Variants in FHIP1A observed in about 807,000 individuals in gnomAD.
FHIP1A encodes the protein FHF complex subunit HOOK interacting protein 1A, also known as FHF complex subunit HOOK-interacting protein 1A.
A neutral mutation model predicts 88.6 loss-of-function variants in FHIP1A; 61 were observed. That is an observed-to-expected ratio of 0.69 (90% CI 0.56 to 0.85). FHIP1A has a LOEUF of 0.85. Ranked by LOEUF, FHIP1A falls within the 40% of genes least tolerant of loss-of-function variation. The pLI is 0.00. For synonymous variants in FHIP1A, 478 were observed against 496.0 expected, an observed-to-expected ratio of 0.96 and a Z score of 0.48; for missense variants, 1,154 against 1,273.5, an observed-to-expected ratio of 0.91 and a Z score of 1.43.
At chr4:151,413,947 C>G (rs1439814786) in intron 1 of FHIP1A, among the ~76,000 whole-genome samples, 2 of 152,164 alleles carry the variant, frequency 1.3e-5, no homozygotes, top group African/African-American at 4.8e-5. Context: ...ACAAGGTCAA[C>G]TGTAGAGACA....
At position 151,414,174 on chromosome 4, in the gene FHIP1A, C is replaced by A. The variant is rs940343619; in HGVS notation, c.-356+4709C>A. Among the ~76,000 whole-genome samples, 3 of 152,126 alleles carry A rather than the reference C, an allele frequency of 2.0e-5. No homozygotes were observed. The East Asian group carries it at 5.8e-4, about 29-fold the overall frequency. ...CAAGTGATTCTCTTGCCTTAGCCTCCCGAGTAGCTGGGACTACAGGCATGC... is the reference window on the plus strand; with the variant it reads ...CAAGTGATTCTCTTGCCTTAGCCTCACGAGTAGCTGGGACTACAGGCATGC... On this transcript the variant is annotated intron_variant, in intron 1 of 13. Transcript: ENST00000435205.
chr4:151,504,411 T>C (rs1484133269), intron 3 of FHIP1A, among the ~76,000 whole-genome samples: 2 of 152,000 alleles, frequency 1.3e-5, no homozygotes, highest in African/African-American at 4.8e-5. Flanking sequence ...GTTATTTAAG[T>C]GAATAGAAAA....
At chr4:151,568,066 T>C (rs1477904057) in intron 4 of FHIP1A, among the ~76,000 whole-genome samples, 2 of 152,218 alleles carry the variant, frequency 1.3e-5, no homozygotes. Context: ...TCATCTGCCC[T>C]GTCAGATTCT....
At chr4:151,581,018 C>G (rs1042505328) in intron 5 of FHIP1A, among the ~76,000 whole-genome samples, 2 of 152,116 alleles carry the variant, frequency 1.3e-5, no homozygotes, top group Admixed American at 6.5e-5. Flanking sequence ...CCACCACGCC[C>G]AGGTAATTTT....
At chr4:151,651,248 T>G (rs1737020713) in intron 11 of FHIP1A, among the ~76,000 whole-genome samples, 1 of 152,128 alleles carries the variant, frequency 6.6e-6, no homozygotes, top group East Asian at 1.9e-4. Context: ...CAGGTAGAAA[T>G]CTTGCAAGAG....
chr4:151,566,308 C>A lies in FHIP1A; in HGVS notation c.49C>A (p.Leu17Ile). The stretch of plus-strand genomic sequence containing the variant: ...AAGCAAACTCCAGCAGGCTGTGAGC[C>A]TACAGGGAGTTGACCCAGAAACATG... ...TESKLQQAVS[L>I]QGVDPETCMI... The change falls in exon 4 of 14, where the codon CTA becomes ATA. Residue 17 changes from leucine to isoleucine, a missense_variant. By Grantham distance (5) the Leu-to-Ile change is conservative. Coordinates refer to ENST00000435205, the MANE Select transcript of FHIP1A (RefSeq NM_001109977.3). The A allele has an allele frequency of 1.3e-6, 2 of 1,550,960 alleles. No homozygotes were observed. Among genetic ancestry groups the A allele is most frequent in the Non-Finnish European group, 8.7e-7 (1 of 1,146,424 alleles).
intron 2 of FHIP1A, among the ~76,000 whole-genome samples, chr4:151,480,310 A>G (rs1175725006): frequency 1.3e-5 from 2 of 152,080 alleles, no homozygotes; most frequent in Non-Finnish European, 2.9e-5. Flanking sequence ...CCTAAGTAAA[A>G]GCATATGTGT....
chr4:151,470,669 G>C (rs757636865), intron 2 of FHIP1A, among the ~76,000 whole-genome samples: 5 of 152,062 alleles, frequency 3.3e-5, no homozygotes, highest in Non-Finnish European at 5.9e-5. Flanking sequence ...TTAATTTTAG[G>C]GTTTGTATAA....
intron 1 of FHIP1A, among the ~76,000 whole-genome samples, chr4:151,430,023 T>A (rs1028292170): frequency 6.6e-6 from 1 of 152,156 alleles, no homozygotes; most frequent in African/African-American, 2.4e-5. Context: ...TCCTAAAATG[T>A]TTAGAGCATT....
chr4:151,519,576 G>A (rs551460468), intron 3 of FHIP1A, among the ~76,000 whole-genome samples: 2 of 151,996 alleles, frequency 1.3e-5, no homozygotes, highest in African/African-American at 2.4e-5. Flanking sequence ...GTGTGTGTGT[G>A]TATAGTAAGT....
At chr4:151,636,640 T>C (rs932491949) in intron 8 of FHIP1A, among the ~76,000 whole-genome samples, 6 of 151,920 alleles carry the variant, frequency 3.9e-5, no homozygotes, top group African/African-American at 1.4e-4. Context: ...AGTGCAAAAC[T>C]TGTGCTGCAA....
rs974255667 is a variant in FHIP1A, at chr4:151,440,348, T to C, written c.-355-14353T>C. Among the ~76,000 whole-genome samples, 8 of 152,322 alleles carry C rather than the reference T, an allele frequency of 5.3e-5. No homozygotes were observed. The East Asian group carries it at 7.7e-4, about 15-fold the overall frequency. On this transcript the variant is annotated intron_variant, in intron 1 of 13. Transcript: ENST00000435205. ...TTCATGAAAGCAGGGGTCTTTGTCT[T>C]TTTTGTTCAGGTGCCTGACACATAG... is the stretch of plus-strand genomic sequence containing the variant.
chr4:151,660,679 G>A (rs1434152192), intron 13 of FHIP1A, among the ~76,000 whole-genome samples: 1 of 152,190 alleles, frequency 6.6e-6, no homozygotes, highest in East Asian at 1.9e-4. Context: ...GCAGGCCTTA[G>A]TTGGTCAATA....
chr4:151,598,331 C>G (rs942469240), intron 7 of FHIP1A, among the ~76,000 whole-genome samples: 4 of 152,256 alleles, frequency 2.6e-5, no homozygotes, highest in African/African-American at 9.6e-5. Context: ...AATGCCCCAC[C>G]CTGCTTTGGC....
At chr4:151,416,292 A>C (rs576465252) in intron 1 of FHIP1A, among the ~76,000 whole-genome samples, 1 of 152,172 alleles carries the variant, frequency 6.6e-6, no homozygotes, top group Non-Finnish European at 1.5e-5. Flanking sequence ...ATTTAGTCCA[A>C]GCTTTTTTTC....
chr4:151,485,180 C>T (rs1402604116), intron 3 of FHIP1A, among the ~76,000 whole-genome samples: 1 of 150,854 alleles, frequency 6.6e-6, no homozygotes, highest in African/African-American at 2.4e-5. Flanking sequence ...TCTGTGCCTT[C>T]TTTTGTAAAT....
chr4:151,467,629 C>A (rs1399779012), intron 2 of FHIP1A, among the ~76,000 whole-genome samples: 2 of 152,124 alleles, frequency 1.3e-5, no homozygotes, highest in Admixed American at 1.3e-4. Context: ...TACATATACA[C>A]CATGGAATAC....
chr4:151,539,851 A>C (rs918539511), intron 3 of FHIP1A, among the ~76,000 whole-genome samples: 11 of 152,212 alleles, frequency 7.2e-5, no homozygotes, highest in African/African-American at 2.7e-4. Flanking sequence ...ATTTTGATGA[A>C]GTTGAATTAA....
At chr4:151,420,872 A>G (rs1240613680) in intron 1 of FHIP1A, among the ~76,000 whole-genome samples, 3 of 152,262 alleles carry the variant, frequency 2.0e-5, no homozygotes, top group Non-Finnish European at 4.4e-5. Flanking sequence ...GAAATGTCTA[A>G]TTAATTCCCC....
Sources: gnomAD v4.1 joint callset for allele counts (sites outside exome capture counted in the v4.1 genomes callset) on GRCh38, gnomAD v4.1.1 for gene constraint, MANE v1.5 for transcripts, NCBI Gene and HGNC (gene_info 2026-07-23, HGNC 2026-07-21) for gene names.